RPS6KA2: variants seen among roughly 807,000 people sequenced by gnomAD.
RPS6KA2 encodes ribosomal protein S6 kinase alpha-2.
Under a neutral mutation model 91.8 loss-of-function variants are expected in RPS6KA2, and 42 were observed. The ratio of observed to expected loss-of-function variants is 0.46; its 90% CI spans 0.36 to 0.59. The LOEUF (loss-of-function observed/expected upper bound fraction) is 0.59, where lower values mean the gene tolerates loss of function less well. RPS6KA2 is among the 20% of genes least tolerant of loss of function. The probability of loss-of-function intolerance (pLI) is 0.00; values close to 1 mark genes in which losing one functional copy is unlikely to be tolerated. For missense variants in RPS6KA2, 798 were observed against 978.5 expected (o/e 0.82, Z 2.46); for synonymous variants, 414 against 393.6 (o/e 1.05, Z -0.61).
chr6:166,644,630 T>C (rs186454661), intron 2 of RPS6KA2, among the ~76,000 whole-genome samples: 237 of 152,256 alleles, frequency 1.6e-3, no homozygotes, highest in Non-Finnish European at 2.9e-3. Flanking sequence ...GGCCCATACA[T>C]ATTAAAAAGT....
rs894721931 is a variant in RPS6KA2, at chr6:166,696,189, C to G, written c.124-157405G>C. Among the ~76,000 whole-genome samples, 9 of 152,282 alleles carry G rather than the reference C, an allele frequency of 5.9e-5. 1 individual carries two copies. Among genetic ancestry groups the G allele is most frequent in the Admixed American group, 4.6e-4 (7 of 15,300 alleles). ...GTGGGATTAGCAGCTCTCCAGGAAACAGCAGGATGTCTCCTGCACTTAGGC... is the reference window on the plus strand; with the variant it reads ...GTGGGATTAGCAGCTCTCCAGGAAAGAGCAGGATGTCTCCTGCACTTAGGC... On this transcript the variant is annotated intron_variant, in intron 2 of 21. Transcript: ENST00000503859.
At chr6:166,548,458 A>C (rs1783897389) in intron 1 of RPS6KA2, among the ~76,000 whole-genome samples, 1 of 152,264 alleles carries the variant, frequency 6.6e-6, no homozygotes, top group Admixed American at 6.5e-5. Context: ...ACATAGCTAC[A>C]GTAATCAAGA....
intron 2 of RPS6KA2, among the ~76,000 whole-genome samples, chr6:166,709,283 G>A (rs891132558): frequency 1.3e-5 from 2 of 151,644 alleles, no homozygotes; most frequent in Non-Finnish European, 1.5e-5. Context: ...AAGAACAATA[G>A]TCCCAGAAGT....
At chr6:166,822,194 G>A (rs765615606) in intron 2 of RPS6KA2, among the ~76,000 whole-genome samples, 1 of 152,164 alleles carries the variant, frequency 6.6e-6, no homozygotes, top group Non-Finnish European at 1.5e-5. Flanking sequence ...AGGGCTTTAC[G>A]GGCTGGATAT....
chr6:166,846,264 T>A lies in RPS6KA2; in HGVS notation c.123+11936A>T, dbSNP rs1780602329. 3.9e-5 allele frequency among the ~76,000 whole-genome samples: 6 copies of A among 152,144 alleles called. No homozygotes were observed. In the South Asian group the frequency reaches 1.2e-3, roughly 31 times the overall value. On this transcript the variant is annotated intron_variant, in intron 2 of 21. Coordinates refer to the RPS6KA2 transcript ENST00000503859. ...GTCCAGAACCAGATGTATTCACAGT[T>A]GAATTCTATCAGACATTCAAAGAAG...
At chr6:166,625,198 T>C (rs1238232774) in intron 1 of RPS6KA2, among the ~76,000 whole-genome samples, 4 of 152,298 alleles carry the variant, frequency 2.6e-5, no homozygotes, top group African/African-American at 7.2e-5. Flanking sequence ...AAGCACTAAT[T>C]GACTACTTGC....
rs531519632 is a variant in RPS6KA2, at chr6:166,652,256, C to G, written c.124-113472G>C. Among the ~76,000 whole-genome samples the G allele has an allele frequency of 3.9e-5, 6 of 152,326 alleles. No homozygotes were observed. The South Asian group carries it at 1.2e-3, about 32-fold the overall frequency. On this transcript the variant is annotated intron_variant, in intron 2 of 21. Transcript: ENST00000503859. ...CTTTTAAAGCATCTCACCAAGCACT[C>G]GCTTCACTGTGCATTTTATATTCTG...
At chr6:166,856,823 GGA>G (rs2128634126) in intron 2 of RPS6KA2, among the ~76,000 whole-genome samples, 1 of 152,310 alleles carries the variant, frequency 6.6e-6, no homozygotes, top group East Asian at 1.9e-4. Flanking sequence ...CATATTTTCA[GGA>G]GAGTCACTGC....
At chr6:166,654,483 G>A (rs1787948796) in intron 2 of RPS6KA2, among the ~76,000 whole-genome samples, 1 of 151,934 alleles carries the variant, frequency 6.6e-6, no homozygotes, top group Admixed American at 6.6e-5. Context: ...AAACTGACAC[G>A]AGCTCCTACA....
chr6:166,593,445 T>C (rs1440244201), intron 1 of RPS6KA2, among the ~76,000 whole-genome samples: 4 of 152,224 alleles, frequency 2.6e-5, no homozygotes, highest in Admixed American at 1.3e-4. Context: ...ACTGGAATTA[T>C]TGTGATCAAG....
intron 2 of RPS6KA2, among the ~76,000 whole-genome samples, chr6:166,721,639 G>T (rs1790175384): frequency 6.6e-6 from 1 of 152,250 alleles, no homozygotes; most frequent in Non-Finnish European, 1.5e-5. Flanking sequence ...CAGTGGGTCT[G>T]CGTCTGGGCC....
At chr6:166,560,352 T>A (rs934721085) in intron 1 of RPS6KA2, among the ~76,000 whole-genome samples, 5 of 152,208 alleles carry the variant, frequency 3.3e-5, no homozygotes, top group African/African-American at 1.2e-4. Context: ...TCTTAACAAG[T>A]ACCTTGCAAT....
intron 2 of RPS6KA2, among the ~76,000 whole-genome samples, chr6:166,710,485 A>AGTGT (rs66993073): frequency 6.7e-6 from 1 of 149,878 alleles, no homozygotes; most frequent in African/African-American, 2.5e-5. Context: ...GTGTTGTGTG[A>AGTGT]GTGTGTGTGT....
chr6:166,507,118 T>A (rs1287682452), intron 5 of RPS6KA2, among the ~76,000 whole-genome samples: 1 of 151,976 alleles, frequency 6.6e-6, no homozygotes, highest in South Asian at 2.1e-4. Context: ...ACAGCCCCAA[T>A]GTTCAGCCGG....
intron 1 of RPS6KA2, among the ~76,000 whole-genome samples, chr6:166,599,305 C>T (rs1381191430): frequency 6.6e-6 from 1 of 152,224 alleles, no homozygotes; most frequent in Non-Finnish European, 1.5e-5. Flanking sequence ...ATTTCCTTCT[C>T]TCCTCTGATG....
intron 14 of RPS6KA2, among the ~76,000 whole-genome samples, chr6:166,440,964 A>G (rs921727917): frequency 5.9e-5 from 9 of 152,208 alleles, no homozygotes; most frequent in African/African-American, 2.2e-4. Flanking sequence ...AACCAATTCC[A>G]CTGAGGAGCT....
chr6:166,769,654 A>T (rs1778413331), intron 2 of RPS6KA2, among the ~76,000 whole-genome samples: 1 of 152,246 alleles, frequency 6.6e-6, no homozygotes, highest in African/African-American at 2.4e-5. Context: ...CCCAGATAGT[A>T]GTACCACAAG....
Position 166,566,953 on chromosome 6 carries a change from A to G in RPS6KA2, c.100-28169T>C, listed in dbSNP as rs62440500. Among the ~76,000 whole-genome samples, 1,136 of 152,338 alleles carry G rather than the reference A, an allele frequency of 7.5e-3. 7 individuals carry two copies. The highest frequency in any genetic ancestry group is 0.014 in the Middle Eastern group (4 of 294). On this transcript the variant is annotated intron_variant, in intron 1 of 20. Coordinates refer to ENST00000265678, the MANE Select transcript of RPS6KA2 (RefSeq NM_021135.6). ...TTCCCTCGGACACAGTGACTTCCAT[A>G]AACCCTACATTACATCGTCGCAGGT...
At chr6:166,476,602 G>T (rs1780983650) in intron 10 of RPS6KA2, among the ~76,000 whole-genome samples, 1 of 152,164 alleles carries the variant, frequency 6.6e-6, no homozygotes, top group African/African-American at 2.4e-5. Flanking sequence ...CCGCTGGTGG[G>T]GGCTCATTAA....
Sources: allele counts gnomAD v4.1 joint callset (sites outside exome capture counted in the v4.1 genomes callset), GRCh38; gene constraint gnomAD v4.1.1; transcripts MANE v1.5; gene names NCBI Gene and HGNC (gene_info 2026-07-23, HGNC 2026-07-21).